GABRA3: variants seen among roughly 807,000 people sequenced by gnomAD.
GABRA3 encodes the protein gamma-aminobutyric acid type A receptor subunit alpha3, also known as gamma-aminobutyric acid receptor subunit alpha-3.
GABRA3 carries 10 observed loss-of-function variants against 30.1 expected under a neutral mutation model. That is an observed-to-expected ratio of 0.33 (90% confidence interval 0.20 to 0.56). GABRA3 has a LOEUF of 0.56. Among genes scored for constraint, GABRA3 ranks in the 20% least tolerant of loss-of-function variants. The pLI is 0.89. For missense variants in GABRA3, 233 were observed against 392.0 expected (o/e 0.59, Z 3.42); for synonymous variants, 151 against 146.8 (o/e 1.03, Z -0.21).
chrX:152,238,610 A>T (rs1170915481), intron 5 of GABRA3, among the ~76,000 whole-genome samples: 1 of 108,481 alleles, frequency 9.2e-6, no homozygotes, highest in Non-Finnish European at 1.9e-5. Flanking sequence ...TCAGCTGTGA[A>T]TCCATCTGGT....
At chrX:152,287,825 C>G (rs916758566) in intron 3 of GABRA3, among the ~76,000 whole-genome samples, 1 of 110,081 alleles carries the variant, frequency 9.1e-6, no homozygotes, top group Non-Finnish European at 1.9e-5. Flanking sequence ...TTCAACACCA[C>G]TTCCTCTATT....
At chrX:152,233,559 G>C (rs1436531250) in intron 5 of GABRA3, among the ~76,000 whole-genome samples, 6 of 110,127 alleles carry the variant, frequency 5.4e-5, no homozygotes, top group African/African-American at 2.0e-4. Context: ...GGGTACTGGA[G>C]AGGATGTGGA....
chrX:152,217,650 C>A (rs1324037136), intron 6 of GABRA3, among the ~76,000 whole-genome samples: 1 of 110,915 alleles, frequency 9.0e-6, no homozygotes, highest in Non-Finnish European at 1.9e-5. Flanking sequence ...AACCTATTTA[C>A]TTAGTATAGG....
chrX:152,433,256 T>G (rs973358498), intron 1 of GABRA3, among the ~76,000 whole-genome samples: 2 of 110,219 alleles, frequency 1.8e-5, no homozygotes, highest in East Asian at 5.7e-4. Context: ...CCCATGCCTA[T>G]CAGTAACCAA....
At chrX:152,193,941 G>A (rs1450654034) in intron 8 of GABRA3, among the ~76,000 whole-genome samples, 1 of 111,713 alleles carries the variant, frequency 9.0e-6, no homozygotes, top group African/African-American at 3.3e-5. Context: ...AGGTTGCAAT[G>A]AGCCGAGATA....
intron 3 of GABRA3, among the ~76,000 whole-genome samples, chrX:152,310,861 A>T (rs1939789119): frequency 9.0e-6 from 1 of 111,418 alleles, no homozygotes; most frequent in Non-Finnish European, 1.9e-5. Flanking sequence ...GAATACTATC[A>T]GAAATGACTA....
chrX:152,293,360 A>C (rs754416632), intron 3 of GABRA3, among the ~76,000 whole-genome samples: 2 of 111,061 alleles, frequency 1.8e-5, no homozygotes, highest in Non-Finnish European at 3.8e-5. Flanking sequence ...TTTATCATAG[A>C]CTAGGATTGC....
At chrX:152,417,340 A>T (rs1930253188) in intron 1 of GABRA3, among the ~76,000 whole-genome samples, 2 of 104,926 alleles carry the variant, frequency 1.9e-5, no homozygotes, top group African/African-American at 3.6e-5. Flanking sequence ...ACCTCACACC[A>T]GTTAGAATGG....
In GABRA3 at chrX:152,168,178, G is replaced by A. The variant is rs771682716; in HGVS notation, c.*50C>T. ...GGGAGCCCCGGGGTTTGGGTGCCTG[G>A]ATGCTTCACGGGGTATACAGTGCTC... On this transcript the variant is annotated 3_prime_UTR_variant, in exon 10 of 10. Transcript: ENST00000370314. 1.6e-5 allele frequency: 17 copies of A among 1,068,274 alleles called. No individual in the cohort carries two copies. The highest frequency in any genetic ancestry group is 2.2e-5 in the Non-Finnish European group (17 of 773,253). The allele number at this position is 1,068,274 out of a possible 1,213,427, so 88.0% of individuals were successfully genotyped here.
At chrX:152,306,085 C>A (rs1315842550) in intron 3 of GABRA3, among the ~76,000 whole-genome samples, 1 of 112,047 alleles carries the variant, frequency 8.9e-6, no homozygotes, top group Non-Finnish European at 1.9e-5. Flanking sequence ...CATAAGGTTT[C>A]CAATATCAAT....
intron 5 of GABRA3, among the ~76,000 whole-genome samples, chrX:152,246,750 A>G (rs1436672893): frequency 9.0e-6 from 1 of 111,059 alleles, no homozygotes; most frequent in African/African-American, 3.3e-5. Context: ...CTATGCTCTT[A>G]CTTCTGTTCA....
At chrX:152,246,790 G>T (rs1257087131) in intron 5 of GABRA3, among the ~76,000 whole-genome samples, 2 of 111,229 alleles carry the variant, frequency 1.8e-5, no homozygotes, top group Admixed American at 9.6e-5. Flanking sequence ...GTGTGGCTCT[G>T]TGAGTCAGTT....
intron 2 of GABRA3, among the ~76,000 whole-genome samples, chrX:152,359,592 T>A (rs1386043455): frequency 9.0e-6 from 1 of 111,042 alleles, no homozygotes; most frequent in African/African-American, 3.3e-5. Context: ...TGTCTTTTGC[T>A]AGCTTTGGGG....
chrX:152,180,304 T>C (rs1232106696), intron 9 of GABRA3, among the ~76,000 whole-genome samples: 3 of 112,274 alleles, frequency 2.7e-5, no homozygotes, highest in African/African-American at 9.7e-5. Context: ...ATTAGTAATC[T>C]TGAGCATTTT....
intron 2 of GABRA3, among the ~76,000 whole-genome samples, chrX:152,360,806 C>T (rs1928479200): frequency 9.8e-6 from 1 of 101,680 alleles, no homozygotes; most frequent in Non-Finnish European, 2.0e-5. Flanking sequence ...GGTGTGGTGG[C>T]CCACACCTGT....
At chrX:152,246,715 A>C (rs5970244) in intron 5 of GABRA3, among the ~76,000 whole-genome samples, 14,688 of 110,681 alleles carry the variant, frequency 0.13, 1,423 homozygotes, top group East Asian at 0.37. Flanking sequence ...TTTCTCAGAG[A>C]CCAAAATGAA....
intron 5 of GABRA3, among the ~76,000 whole-genome samples, chrX:152,247,983 A>G (rs1022274512): frequency 9.0e-6 from 1 of 110,920 alleles, no homozygotes; most frequent in Non-Finnish European, 1.9e-5. Flanking sequence ...TCCAGGGAGA[A>G]TATGTCAGGG....
intron 5 of GABRA3, among the ~76,000 whole-genome samples, chrX:152,242,748 C>T (rs538705015): frequency 2.7e-5 from 3 of 111,377 alleles, no homozygotes; most frequent in South Asian, 3.8e-4. Context: ...TAGGTGTTGG[C>T]GAGAATGTGG....
chrX:152,182,528 TATATGC>T (rs1337616794), intron 9 of GABRA3, among the ~76,000 whole-genome samples: 1 of 82,157 alleles, frequency 1.2e-5, no homozygotes, highest in East Asian at 3.9e-4. Context: ...ATACACACTA[TATATGC>T]ATATATAGTG....
Sources: allele counts gnomAD v4.1 joint callset (sites outside exome capture counted in the v4.1 genomes callset), GRCh38; gene constraint gnomAD v4.1.1; transcripts MANE v1.5; gene names NCBI Gene and HGNC (gene_info 2026-07-23, HGNC 2026-07-21).